MBD2: variants seen among roughly 807,000 people sequenced by gnomAD.
The protein encoded by MBD2 is methyl-CpG-binding domain protein 2.
In MBD2, 9 loss-of-function variants were observed where a neutral mutation model predicts 39.3. The ratio of observed to expected loss-of-function variants is 0.23; its 90% CI spans 0.14 to 0.40. The LOEUF is 0.40. Among genes scored for constraint, MBD2 ranks in the 10% least tolerant of loss-of-function variants. The pLI, the probability that MBD2 is intolerant of heterozygous loss-of-function variation, is 1.00. For synonymous variants in MBD2, 233 were observed against 211.1 expected (o/e 1.10, Z -0.90); for missense variants, 458 against 532.6 (o/e 0.86, Z 1.38).
At chr18:54,212,007 C>T (rs984772764) in intron 1 of MBD2, among the ~76,000 whole-genome samples, 1 of 152,146 alleles carries the variant, frequency 6.6e-6, no homozygotes, top group Non-Finnish European at 1.5e-5. Context: ...AGGCGCCTGC[C>T]ACCAAACCCA....
At chr18:54,201,616 A>G (rs962843370) in intron 2 of MBD2, among the ~76,000 whole-genome samples, 1 of 152,172 alleles carries the variant, frequency 6.6e-6, no homozygotes, top group African/African-American at 2.4e-5. Flanking sequence ...TAATCCCAGC[A>G]CTTTGGGAGG....
chr18:54,177,371 G>A lies in MBD2; in HGVS notation c.841-11205C>T, dbSNP rs1036470120. ...AAACTGATGATTTCAAAACCCACTC[G>A]ACTGCAGGAACTTTGATCTCTAATA... is the stretch of plus-strand genomic sequence containing the variant. On this transcript the variant is annotated intron_variant, in intron 3 of 6. Coordinates refer to ENST00000256429, the MANE Select transcript of MBD2 (RefSeq NM_003927.5). Among the ~76,000 whole-genome samples, 3 of 152,140 alleles carry A rather than the reference G, an allele frequency of 2.0e-5. No homozygotes were observed. The East Asian group carries it at 5.8e-4, about 29-fold the overall frequency.
At chr18:54,196,416 C>T (rs1399547873) in intron 2 of MBD2, among the ~76,000 whole-genome samples, 4 of 152,264 alleles carry the variant, frequency 2.6e-5, no homozygotes, top group Middle Eastern at 6.8e-3. Context: ...GTTAATGTAA[C>T]GGACATCACC....
intron 1 of MBD2, among the ~76,000 whole-genome samples, chr18:54,211,524 C>T (rs2086507746): frequency 6.6e-6 from 1 of 152,068 alleles, no homozygotes; most frequent in Non-Finnish European, 1.5e-5. Context: ...AATGCACCAT[C>T]CTCAGCACTC....
chr18:54,178,051 A>AG (rs2086225051), intron 3 of MBD2, among the ~76,000 whole-genome samples: 1 of 151,994 alleles, frequency 6.6e-6, no homozygotes, highest in Non-Finnish European at 1.5e-5. Context: ...CTTTCTTGGC[A>AG]GGCTGCTCTC....
intron 5 of MBD2, among the ~76,000 whole-genome samples, chr18:54,163,640 G>A (rs2144280627): frequency 6.6e-6 from 1 of 152,152 alleles, no homozygotes; most frequent in Middle Eastern, 3.4e-3. Context: ...ACCCTAACTT[G>A]TGAGTCAGCC....
At chr18:54,210,039 C>A (rs990230715) in intron 1 of MBD2, among the ~76,000 whole-genome samples, 3 of 152,094 alleles carry the variant, frequency 2.0e-5, no homozygotes, top group Admixed American at 2.0e-4. Context: ...GTTCTCTCTG[C>A]CCATTATGAT....
intron 3 of MBD2, among the ~76,000 whole-genome samples, chr18:54,171,479 A>G (rs922342116): frequency 9.2e-5 from 14 of 152,114 alleles, no homozygotes; most frequent in African/African-American, 3.1e-4. Context: ...GAAAGATTTT[A>G]AAAAATATTA....
chr18:54,168,615 G>A (rs373844958), intron 3 of MBD2, among the ~76,000 whole-genome samples: 168 of 6,546 alleles, frequency 0.026, 1 homozygote, highest in African/African-American at 0.094. Flanking sequence ...ATGCATATTT[G>A]TGTGTGTGTG....
At position 54,195,176 on chromosome 18, in the gene MBD2, C is replaced by T. The variant is rs182153636; in HGVS notation, c.703-6165G>A. On this transcript the variant is annotated intron_variant, in intron 2 of 6. Transcript: ENST00000256429. ...CTATGAATATCATGTAAAGCCTCCA[C>T]ACAGCATAGTTTGAGCACCAGGGAC... 7.2e-3 allele frequency among the ~76,000 whole-genome samples: 1,099 copies of T among 152,168 alleles called. 7 individuals carry two copies. The highest frequency in any genetic ancestry group is 0.02 in the Middle Eastern group (6 of 294).
chr18:54,202,230 C>T (rs2144327284), intron 2 of MBD2, among the ~76,000 whole-genome samples: 1 of 152,020 alleles, frequency 6.6e-6, no homozygotes, highest in Middle Eastern at 3.4e-3. Flanking sequence ...GTAATCCCAG[C>T]TACTCAGGAG....
chr18:54,167,122 G>T (rs1307736508), intron 3 of MBD2, among the ~76,000 whole-genome samples: 2 of 152,160 alleles, frequency 1.3e-5, no homozygotes, highest in African/African-American at 4.8e-5. Context: ...GAATTCTATA[G>T]GACTCTGTAT....
chr18:54,181,461 T>C (rs2086251469), intron 3 of MBD2, among the ~76,000 whole-genome samples: 1 of 152,226 alleles, frequency 6.6e-6, no homozygotes, highest in African/African-American at 2.4e-5. Context: ...ATTCTTCATA[T>C]AGGCAGAGCT....
Position 54,166,101 on chromosome 18 carries a change from G to C in MBD2, c.906C>G (p.Thr302=), listed in dbSNP as rs1469785598. 11 of 1,613,380 alleles carry C rather than the reference G, an allele frequency of 6.8e-6. No individual in the cohort carries two copies. Among genetic ancestry groups the C allele is most frequent in the Middle Eastern group, 1.6e-4 (1 of 6,084 alleles). Reference sequence around the variant, plus strand: ...CTTGAAGACCTTTGGGTAGTTCCATGGTTTTTATAATTTGTTCTGTTACAT... The same window carrying C: ...CTTGAAGACCTTTGGGTAGTTCCATCGTTTTTATAATTTGTTCTGTTACAT... ...ASDVTEQIIK[T]MELPKGLQGV... The change falls in exon 4 of 7, where the codon ACC becomes ACG. Residue 302 remains threonine, a synonymous_variant. Coordinates refer to ENST00000256429, the MANE Select transcript of MBD2 (RefSeq NM_003927.5).
At chr18:54,206,441 C>G (rs974987795) in intron 1 of MBD2, among the ~76,000 whole-genome samples, 2 of 152,090 alleles carry the variant, frequency 1.3e-5, no homozygotes, top group African/African-American at 4.8e-5. Flanking sequence ...TCAAAGAAGC[C>G]AATGTGTCAC....
At chr18:54,203,098 C>G in intron 2 of MBD2, 1 of 1,607,976 alleles carries the variant, frequency 6.2e-7, no homozygotes, top group Non-Finnish European at 8.5e-7. Flanking sequence ...AGTGTTCCAG[C>G]GCAGCTAGAG....
At chr18:54,157,295 C>T (rs1333986078) in intron 6 of MBD2, among the ~76,000 whole-genome samples, 2 of 151,440 alleles carry the variant, frequency 1.3e-5, no homozygotes, top group East Asian at 1.9e-4. Flanking sequence ...GAGTCTCACT[C>T]TATCACCCAG....
At chr18:54,197,747 T>C (rs1289845652) in intron 2 of MBD2, among the ~76,000 whole-genome samples, 1 of 152,178 alleles carries the variant, frequency 6.6e-6, no homozygotes, top group African/African-American at 2.4e-5. Context: ...ATCATCATTA[T>C]CATCATCAAA....
chr18:54,171,057 G>A (rs2086176069), intron 3 of MBD2, among the ~76,000 whole-genome samples: 1 of 151,836 alleles, frequency 6.6e-6, no homozygotes, highest in Admixed American at 6.6e-5. Flanking sequence ...TACTTAAGGT[G>A]ATTCTGATGC....
Sources: gnomAD v4.1 joint callset for allele counts (sites outside exome capture counted in the v4.1 genomes callset) on GRCh38, gnomAD v4.1.1 for gene constraint, MANE v1.5 for transcripts, NCBI Gene and HGNC (gene_info 2026-07-23, HGNC 2026-07-21) for gene names.